The following TONSL variants were observed in gnomAD, a reference collection of about 807,000 sequenced individuals.
TONSL encodes tonsoku like, DNA repair protein, also known as tonsoku-like protein.
TONSL carries 112 observed loss-of-function variants against 147.1 expected under a neutral mutation model. That is an observed-to-expected ratio of 0.76 (90% CI 0.65 to 0.89). TONSL has a LOEUF of 0.89. TONSL is among the 40% of genes least tolerant of loss of function. The probability of loss-of-function intolerance (pLI) is 0.00; values close to 1 mark genes in which losing one functional copy is unlikely to be tolerated. For missense variants in TONSL, 1,883 were observed against 1,864.6 expected (o/e 1.01, Z -0.18); for synonymous variants, 868 against 801.5 (o/e 1.08, Z -1.40).
At chr8:144,433,808 G>A (rs1360742384) in intron 21 of TONSL, 49 bp from the exon 22 acceptor site, 7 of 1,523,102 alleles carry the variant, frequency 4.6e-6, no homozygotes, top group African/African-American at 1.4e-5. Flanking sequence ...CCCACGGACA[G>A]GGTCCCCCTT....
At chr8:144,430,960 G>A in intron 24 of TONSL, 118 bp downstream of exon 24, 1 of 1,198,700 alleles carries the variant, frequency 8.3e-7, no homozygotes, top group South Asian at 1.4e-5. Context: ...GAAGGAGCCA[G>A]GTCTTGGGAT....
chr8:144,438,581 G>A (rs372169549), intron 12 of TONSL, 21 bp from the exon 13 acceptor site: 43 of 1,610,998 alleles, frequency 2.7e-5, no homozygotes, highest in Non-Finnish European at 3.5e-5. Context: ...AGCCAACCCA[G>A]CACAGGGCAG....
intron 13 of TONSL, 65 bp from the exon 14 acceptor site, chr8:144,437,164 G>T: frequency 6.6e-7 from 1 of 1,526,562 alleles, no homozygotes; most frequent in Non-Finnish European, 9.0e-7. Flanking sequence ...AGCCCCGTGA[G>T]CTCTGCAGCC....
At chr8:144,429,370 C>T in intron 25 of TONSL, 34 bp from the exon 26 acceptor site, 1 of 1,362,242 alleles carries the variant, frequency 7.3e-7, no homozygotes, top group Non-Finnish European at 9.5e-7. Flanking sequence ...CTCAGCGCTG[C>T]GGGGGCCGGC....
Position 144,441,124 on chromosome 8 carries a change from G to C in TONSL, c.866-13C>G, listed in dbSNP as rs1387198286. ...ACCACTGCCAGCACTGCCGGGAAGA[G>C]GTTCATGCAGGGGGGCAGCACAGGG... On this transcript the variant is annotated splice_polypyrimidine_tract_variant and intron_variant, in intron 7 of 25. Coordinates refer to ENST00000409379, the MANE Select transcript of TONSL (RefSeq NM_013432.5). 1 of 1,612,200 alleles carries C rather than the reference G, an allele frequency of 6.2e-7. No individual in the cohort carries two copies. Among genetic ancestry groups the C allele is most frequent in the Admixed American group, 1.7e-5 (1 of 60,016 alleles).
In TONSL at chr8:144,429,356, A is replaced by G. The variant is rs1554878120; in HGVS notation, c.3944-20T>C. On this transcript the variant is annotated intron_variant, in intron 25 of 25. Coordinates refer to ENST00000409379, the MANE Select transcript of TONSL (RefSeq NM_013432.5). The stretch of plus-strand genomic sequence containing the variant: ...CGCAGCCTGCGGAGGGGAAGAGGGC[A>G]GACCTCAGCGCTGCGGGGGCCGGCG... 10 of 1,402,530 alleles carry G rather than the reference A, an allele frequency of 7.1e-6. No homozygotes were observed. The highest frequency in any genetic ancestry group is 1.5e-5 in the African/African-American group (1 of 66,398). 86.9% of individuals were successfully genotyped at this position (1,402,530 alleles called of 1,614,324 possible).
chr8:144,441,933 C>G, intron 7 of TONSL, 104 bp downstream of exon 7: 7 of 966,538 alleles, frequency 7.2e-6, no homozygotes, highest in Non-Finnish European at 9.4e-6. Flanking sequence ...CAGGCCTCCT[C>G]TGTGAGGGAG....
chr8:144,430,636 C>T (rs782493550), intron 24 of TONSL, 99 bp from the exon 25 acceptor site: 45 of 1,414,962 alleles, frequency 3.2e-5, no homozygotes, highest in Non-Finnish European at 4.3e-5. Flanking sequence ...CAGGGAGCCT[C>T]GGGCCAGACC....
chr8:144,441,168 AC>A, intron 7 of TONSL, 57 bp from the exon 8 acceptor site: 3 of 1,592,418 alleles, frequency 1.9e-6, no homozygotes, highest in Non-Finnish European at 2.6e-6. Context: ...CCCCAGCTCT[AC>A]CACCTGCAAG....
At chr8:144,433,285 C>G (rs1323839624) in intron 22 of TONSL, 2 of 271,702 alleles carry the variant, frequency 7.4e-6, no homozygotes, top group Admixed American at 4.9e-5. Context: ...ACCGTGTTAG[C>G]CAGGATGGTC....
chr8:144,433,559 A>G (rs1586683760), intron 22 of TONSL, 29 bp downstream of exon 22: 1 of 1,609,274 alleles, frequency 6.2e-7, no homozygotes, highest in African/African-American at 1.3e-5. Flanking sequence ...AGGGCTAGGG[A>G]GTGGACAGGG....
intron 7 of TONSL, chr8:144,441,448 C>T (rs968862387): frequency 3.8e-5 from 9 of 238,552 alleles, no homozygotes; most frequent in East Asian, 1.0e-4. Context: ...AAAAATCAGC[C>T]GGGTGTGGTG....
rs774934377 is a variant in TONSL at position 144,436,645 on chromosome 8, T to G, written c.1927A>C (p.Lys643Gln). 1.2e-6 allele frequency: 2 copies of G among 1,612,272 alleles called. No individual in the cohort carries two copies. Among genetic ancestry groups the G allele is most frequent in the South Asian group, 2.2e-5 (2 of 91,084 alleles). The part of the protein sequence containing the change: ...SPLETLQQWV[K>Q]LYRRDLDLET... ...AGGTCCAGGTCCCTGCGGTACAGCT[T>G]CACCCACTGCTGCAGCGTCTCCAGC... The change falls in exon 16 of 26, where the codon AAG becomes CAG. Residue 643 changes from lysine (K) to glutamine (Q), a missense_variant. Lys to Gln is a moderately conservative substitution (Grantham distance 53). Transcript: ENST00000409379.
In TONSL at chr8:144,430,525, CAGAG is replaced by C. The variant is rs782813533; in HGVS notation, c.3818_3821del (p.Ser1273CysfsTer57). ...GATCCAGTGAGATGAGTGAGGGGCA[CAGAG>C]AGAGACATCTGAGATAACATGGGAA... On this transcript the variant is annotated frameshift_variant, in exon 25 of 26. Transcript: ENST00000409379. LOFTEE classifies it high-confidence loss of function. 2.5e-6 allele frequency: 4 copies of C among 1,610,912 alleles called. No homozygotes were observed. Among genetic ancestry groups the C allele is most frequent in the Non-Finnish European group, 2.5e-6 (3 of 1,178,730 alleles).
Position 144,434,671 on chromosome 8 carries a change from G to T in TONSL, c.3085+140C>A, listed in dbSNP as rs1448951069. On this transcript the variant is annotated intron_variant, in intron 20 of 25. Transcript: ENST00000409379. ...CTCCCTTCCACCCACACATCCAAGT[G>T]CAGGACACAGCACCCACCAGGCTGG... The T allele has an allele frequency of 4.5e-6, 4 of 888,412 alleles. No individual in the cohort carries two copies. The African/African-American group carries it at 5.1e-5, about 11-fold the overall frequency. The allele number at this position is 888,412 out of a possible 1,614,324, so 55.0% of individuals were successfully genotyped here. A position where few individuals can be genotyped will look rare whatever the true frequency, so the allele number is the denominator to read the frequency against.
At position 144,442,727 on chromosome 8, in the gene TONSL, C is replaced by T; in HGVS notation, c.528G>A (p.Gln176=). The change falls in exon 5 of 26, where the codon CAG becomes CAA. Residue 176 remains glutamine (Q), a synonymous_variant. Coordinates refer to ENST00000409379, the MANE Select transcript of TONSL (RefSeq NM_013432.5). ...LNLGLTFESL[Q]QTALCNDYFR... is the part of the protein sequence containing the mutation. Reference sequence around the variant, plus strand: ...AGTAATCGTTGCACAGGGCTGTCTGCTGCAGGCTCTCAAAGGTGAGGCCCA... The same window carrying T: ...AGTAATCGTTGCACAGGGCTGTCTGTTGCAGGCTCTCAAAGGTGAGGCCCA... The T allele has an allele frequency of 1.2e-6, 2 of 1,613,046 alleles. No homozygotes were observed.
intron 21 of TONSL, 37 bp from the exon 22 acceptor site, chr8:144,433,796 G>A (rs782294120): frequency 5.9e-6 from 9 of 1,532,084 alleles, no homozygotes; most frequent in Non-Finnish European, 7.9e-6. Context: ...GCCCCCAGCA[G>A]TCCCACGGAC....
In TONSL at chr8:144,433,774, G is replaced by C; in HGVS notation, c.3388-15C>G. On this transcript the variant is annotated splice_polypyrimidine_tract_variant and intron_variant, in intron 21 of 25. Transcript: ENST00000409379. Reference sequence around the variant, plus strand: ...TCCTCCAAACTCTGTGGAAGACACAGGCTGGCAGTGAGCCCCCAGCAGTCC... The same window carrying C: ...TCCTCCAAACTCTGTGGAAGACACACGCTGGCAGTGAGCCCCCAGCAGTCC... The C allele has an allele frequency of 6.4e-7, 1 of 1,550,552 alleles. No individual in the cohort carries two copies. Among genetic ancestry groups the C allele is most frequent in the Non-Finnish European group, 8.7e-7 (1 of 1,149,140 alleles).
Position 144,443,178 on chromosome 8 carries a change from G to C in TONSL, c.408C>G (p.Ala136=), listed in dbSNP as rs776854925. The change falls in exon 4 of 26, where the codon GCC becomes GCG. Residue 136 remains alanine, a synonymous_variant. Coordinates refer to ENST00000409379, the MANE Select transcript of TONSL (RefSeq NM_013432.5). ...CCACAATAGCCAAGCTCTTCTCAAAGGCAGCCTGTGCCTGCAGCAAAGCAT... is the reference window on the plus strand; with the variant it reads ...CCACAATAGCCAAGCTCTTCTCAAACGCAGCCTGTGCCTGCAGCAAAGCAT... The part of the protein sequence containing the change: ...SRDALLQAQA[A]FEKSLAIVDE... 70 of 1,550,666 alleles carry C rather than the reference G, an allele frequency of 4.5e-5. No individual in the cohort carries two copies. The highest frequency in any genetic ancestry group is 5.8e-5 in the Non-Finnish European group (67 of 1,146,992).
Sources: allele counts gnomAD v4.1 joint callset, GRCh38; gene constraint gnomAD v4.1.1; transcripts MANE v1.5; gene names NCBI Gene and HGNC (gene_info 2026-07-23, HGNC 2026-07-21).